Variants in ENTREP2 observed in about 807,000 individuals in gnomAD.
ENTREP2 encodes endosomal transmembrane epsin interactor 2, also known as protein ENTREP2.
chr15:29,551,284 C>G, the ENTREP2 span, among the ~76,000 whole-genome samples: 1 of 152,104 alleles, frequency 6.6e-6, no homozygotes, highest in Non-Finnish European at 1.5e-5. Context: ...GCAGCAGTGG[C>G]AAAGCTTCTA....
the ENTREP2 span, among the ~76,000 whole-genome samples, chr15:29,345,311 A>G: frequency 6.6e-6 from 1 of 152,162 alleles, no homozygotes; most frequent in Non-Finnish European, 1.5e-5. Context: ...GCCTTTCAGG[A>G]GTAATGCCAG....
chr15:29,558,079 A>C, the ENTREP2 span, among the ~76,000 whole-genome samples: 5 of 152,250 alleles, frequency 3.3e-5, no homozygotes, highest in Admixed American at 1.3e-4. Context: ...ATCATTCTAC[A>C]AACTTTTCTT....
At chr15:29,145,630 A>AC in the ENTREP2 span, among the ~76,000 whole-genome samples, 1 of 150,586 alleles carries the variant, frequency 6.6e-6, no homozygotes, top group Non-Finnish European at 1.5e-5. Flanking sequence ...CTCAAAAAAA[A>AC]AAAAAAAAAA....
the ENTREP2 span, among the ~76,000 whole-genome samples, chr15:29,467,621 C>A: frequency 6.6e-6 from 1 of 152,224 alleles, no homozygotes; most frequent in East Asian, 1.9e-4. Flanking sequence ...CAAAGAGATT[C>A]AATGCACAGA....
chr15:29,158,604 G>C, the ENTREP2 span, among the ~76,000 whole-genome samples: 1 of 151,956 alleles, frequency 6.6e-6, no homozygotes, highest in Non-Finnish European at 1.5e-5. Context: ...TAGAGATAGG[G>C]TTTCACCATG....
chr15:29,642,901 C>T, the ENTREP2 span, among the ~76,000 whole-genome samples: 14 of 152,094 alleles, frequency 9.2e-5, no homozygotes, highest in Non-Finnish European at 1.2e-4. Flanking sequence ...CATGAGCCAT[C>T]GCGCCTGGCC....
At chr15:29,228,083 A>G in the ENTREP2 span, among the ~76,000 whole-genome samples, 1 of 152,104 alleles carries the variant, frequency 6.6e-6, no homozygotes, top group Non-Finnish European at 1.5e-5. Context: ...TGTAATCCCA[A>G]CACTTTGGGA....
the ENTREP2 span, among the ~76,000 whole-genome samples, chr15:29,640,852 CA>C: frequency 2.6e-5 from 4 of 152,068 alleles, no homozygotes; most frequent in African/African-American, 9.7e-5. Flanking sequence ...AGCCCAATAC[CA>C]AAAACAAAGA....
the ENTREP2 span, among the ~76,000 whole-genome samples, chr15:29,189,016 G>A: frequency 2.0e-5 from 3 of 152,176 alleles, no homozygotes; most frequent in African/African-American, 7.2e-5. Flanking sequence ...CTCTCCACCT[G>A]GCTGTGCACC....
the ENTREP2 span, among the ~76,000 whole-genome samples, chr15:29,344,831 G>A: frequency 6.6e-6 from 1 of 151,878 alleles, no homozygotes; most frequent in African/African-American, 2.4e-5. Flanking sequence ...TTATTGAAAT[G>A]AGGAGTGCCC....
chr15:29,628,327 G>C, the ENTREP2 span, among the ~76,000 whole-genome samples: 1 of 152,156 alleles, frequency 6.6e-6, no homozygotes, highest in Non-Finnish European at 1.5e-5. Context: ...GTTGCTTGTG[G>C]TTTGTTACTA....
At chr15:29,246,216 ACT>A in the ENTREP2 span, among the ~76,000 whole-genome samples, 1 of 151,716 alleles carries the variant, frequency 6.6e-6, no homozygotes, top group Non-Finnish European at 1.5e-5. Context: ...ACACGGTGAA[ACT>A]CTCTACAAAA....
chr15:29,445,430 G>C, the ENTREP2 span, among the ~76,000 whole-genome samples: 1 of 152,090 alleles, frequency 6.6e-6, no homozygotes, highest in Non-Finnish European at 1.5e-5. Context: ...TCACCTTAGG[G>C]AAGGGAAGAG....
chr15:29,425,292 C>T, the ENTREP2 span, among the ~76,000 whole-genome samples: 1 of 152,032 alleles, frequency 6.6e-6, no homozygotes, highest in African/African-American at 2.4e-5. Context: ...CCTGCCTCAG[C>T]CTCCCAAAGT....
At chr15:29,315,260 C>A in the ENTREP2 span, among the ~76,000 whole-genome samples, 1 of 152,154 alleles carries the variant, frequency 6.6e-6, no homozygotes, top group East Asian at 1.9e-4. Context: ...CTTGGAAGAA[C>A]AACTAAGCAA....
chr15:29,343,010 G>A, the ENTREP2 span, among the ~76,000 whole-genome samples: 1 of 124,012 alleles, frequency 8.1e-6, no homozygotes, highest in South Asian at 3.1e-4. Flanking sequence ...AATACTATAT[G>A]AGCTGGTAAA....
chr15:29,420,392 T>C, the ENTREP2 span, among the ~76,000 whole-genome samples: 1 of 152,064 alleles, frequency 6.6e-6, no homozygotes, highest in East Asian at 1.9e-4. Context: ...GAGGCTGACA[T>C]AGCCAGGTGA....
the ENTREP2 span, among the ~76,000 whole-genome samples, chr15:29,472,025 G>C: frequency 7.9e-5 from 12 of 152,242 alleles, no homozygotes; most frequent in South Asian, 2.5e-3. Flanking sequence ...CGCGGTGGGG[G>C]CCCAGAAGGG....
chr15:29,330,121 T>C, the ENTREP2 span, among the ~76,000 whole-genome samples: 1 of 152,056 alleles, frequency 6.6e-6, no homozygotes, highest in African/African-American at 2.4e-5. Context: ...TTACTGATAG[T>C]ATGTCCCCCT....
Sources: allele counts gnomAD v4.1 joint callset (sites outside exome capture counted in the v4.1 genomes callset), GRCh38; gene constraint gnomAD v4.1.1; transcripts MANE v1.5; gene names NCBI Gene and HGNC (gene_info 2026-07-23, HGNC 2026-07-21).